The following JAM3 variants were observed in gnomAD, a reference collection of about 807,000 sequenced individuals.
The protein encoded by JAM3 is junctional adhesion molecule C.
JAM3 carries 31 observed loss-of-function variants against 39.4 expected under a neutral mutation model. The observed-to-expected ratio is 0.79, with a 90% CI of 0.59 to 1.06. JAM3 has a LOEUF of 1.06. JAM3 is among the 50% of genes least tolerant of loss of function. The pLI is 0.00. For missense variants in JAM3, 455 were observed against 391.4 expected (o/e 1.16, Z -1.37); for synonymous variants, 182 against 148.7 (o/e 1.22, Z -1.63).
In JAM3 at chr11:134,151,621, C is replaced by T. The variant is rs1466448171; in HGVS notation, c.*2440C>T. On this transcript the variant is annotated 3_prime_UTR_variant, in exon 9 of 9. Transcript: ENST00000299106. ...TTTAAGATATGAATGTGACTCAAGACTCGAGGCCGATACGAGGCTGTGATT... is the reference window on the plus strand; with the variant it reads ...TTTAAGATATGAATGTGACTCAAGATTCGAGGCCGATACGAGGCTGTGATT... 2.6e-5 allele frequency: 4 copies of T among 152,190 alleles called. No homozygotes were observed. Among genetic ancestry groups the T allele is most frequent in the African/African-American group, 9.7e-5 (4 of 41,434 alleles). 9.4% of individuals were successfully genotyped at this position (152,190 alleles called of 1,614,324 possible).
intron 1 of JAM3, among the ~76,000 whole-genome samples, chr11:134,100,514 T>C (rs980430963): frequency 4.6e-5 from 7 of 152,232 alleles, no homozygotes; most frequent in Non-Finnish European, 7.3e-5. Context: ...AGACCACTTT[T>C]GAGTTACCAC....
At chr11:134,118,917 GT>G (rs35899402) in intron 1 of JAM3, among the ~76,000 whole-genome samples, 12 of 150,536 alleles carry the variant, frequency 8.0e-5, no homozygotes, top group African/African-American at 2.7e-4. Context: ...GCTAGGTGGA[GT>G]TTTACTCTGG....
In JAM3 at chr11:134,149,864, T is replaced by C. The variant is rs780554775; in HGVS notation, c.*683T>C. ...TTTAAGGAAAACCTTCGTCTTAGGC[T>C]AAGTCTGAAATGGTACTGAAATATG... On this transcript the variant is annotated 3_prime_UTR_variant, in exon 9 of 9. Coordinates refer to ENST00000299106, the MANE Select transcript of JAM3 (RefSeq NM_032801.5). 20 of 313,344 alleles carry C rather than the reference T, an allele frequency of 6.4e-5. No individual in the cohort carries two copies. The highest frequency in any genetic ancestry group is 1.2e-4 in the Non-Finnish European group (19 of 158,828). The allele number at this position is 313,344 out of a possible 1,614,324, so 19.4% of individuals were successfully genotyped here.
chr11:134,141,577 A>T (rs999727871), intron 3 of JAM3, among the ~76,000 whole-genome samples: 2 of 151,982 alleles, frequency 1.3e-5, no homozygotes, highest in African/African-American at 4.8e-5. Flanking sequence ...GGCTGCATCT[A>T]TGTTTCAGAA....
At chr11:134,105,628 T>C in intron 1 of JAM3, among the ~76,000 whole-genome samples, 1 of 151,782 alleles carries the variant, frequency 6.6e-6, no homozygotes, top group African/African-American at 2.4e-5. Context: ...AAAATCTCCT[T>C]AAGCTAATAA....
At chr11:134,088,284 A>G (rs951413951) in intron 1 of JAM3, among the ~76,000 whole-genome samples, 2 of 152,216 alleles carry the variant, frequency 1.3e-5, no homozygotes, top group South Asian at 4.1e-4. Flanking sequence ...TTTACCAATG[A>G]TGTATTACCC....
intron 1 of JAM3, among the ~76,000 whole-genome samples, chr11:134,079,780 A>G (rs1445613041): frequency 2.6e-5 from 4 of 152,222 alleles, no homozygotes; most frequent in African/African-American, 7.2e-5. Context: ...TAGGCATATA[A>G]TTTGTAACTG....
At chr11:134,079,895 G>C (rs569350260) in intron 1 of JAM3, among the ~76,000 whole-genome samples, 1 of 152,276 alleles carries the variant, frequency 6.6e-6, no homozygotes, top group African/African-American at 2.4e-5. Flanking sequence ...GGTGTGTTTT[G>C]TAGCCAGGTA....
rs947777235 is a variant in JAM3, at chr11:134,149,926, C to T, written c.*745C>T. On this transcript the variant is annotated 3_prime_UTR_variant, in exon 9 of 9. Coordinates refer to ENST00000299106, the MANE Select transcript of JAM3 (RefSeq NM_032801.5). ...GTCTTGTTTATTTTATAAAATTTTACATCTAAATTTTTGCTAAGGATGTAT... is the reference window on the plus strand; with the variant it reads ...GTCTTGTTTATTTTATAAAATTTTATATCTAAATTTTTGCTAAGGATGTAT... 22 of 173,946 alleles carry T rather than the reference C, an allele frequency of 1.3e-4. No homozygotes were observed. The highest frequency in any genetic ancestry group is 2.5e-5 in the Non-Finnish European group (2 of 81,016). 10.8% of individuals were successfully genotyped at this position (173,946 alleles called of 1,614,324 possible). A position where few individuals can be genotyped will look rare whatever the true frequency, so the allele number is the denominator to read the frequency against.
intron 1 of JAM3, among the ~76,000 whole-genome samples, chr11:134,081,894 A>G (rs1356904784): frequency 6.6e-6 from 1 of 152,224 alleles, no homozygotes; most frequent in Non-Finnish European, 1.5e-5. Flanking sequence ...TATCCTGCAA[A>G]AACCACAGGT....
At chr11:134,115,935 C>A (rs577969787) in intron 1 of JAM3, among the ~76,000 whole-genome samples, 65 of 152,046 alleles carry the variant, frequency 4.3e-4, no homozygotes, top group African/African-American at 1.5e-3. Context: ...GGGATAGATA[C>A]CATAAAAGTG....
intron 1 of JAM3, among the ~76,000 whole-genome samples, chr11:134,123,491 T>G (rs1942577070): frequency 6.6e-6 from 1 of 152,220 alleles, no homozygotes; most frequent in South Asian, 2.1e-4. Flanking sequence ...AATGTTCTGC[T>G]GGTTTTCCTT....
At chr11:134,127,514 C>A (rs545986343) in intron 1 of JAM3, among the ~76,000 whole-genome samples, 1 of 152,244 alleles carries the variant, frequency 6.6e-6, no homozygotes, top group Non-Finnish European at 1.5e-5. Flanking sequence ...GCCTGGCCAA[C>A]ATGGTGAAAC....
chr11:134,124,031 C>T (rs1386880539), intron 1 of JAM3: 8 of 1,436,536 alleles, frequency 5.6e-6, no homozygotes, highest in African/African-American at 1.4e-5. Context: ...CAACACAAGG[C>T]ACTGCAACAC....
Position 134,150,132 on chromosome 11 carries a change from T to C in JAM3, c.*951T>C, listed in dbSNP as rs1943171146. 6.5e-6 allele frequency: 1 copy of C among 154,200 alleles called. No individual in the cohort carries two copies. The highest frequency in any genetic ancestry group is 2.4e-5 in the African/African-American group (1 of 41,472). 9.6% of individuals were successfully genotyped at this position (154,200 alleles called of 1,614,324 possible). On this transcript the variant is annotated 3_prime_UTR_variant, in exon 9 of 9. Coordinates refer to ENST00000299106, the MANE Select transcript of JAM3 (RefSeq NM_032801.5). The stretch of plus-strand genomic sequence containing the variant: ...AAGGAATCCTCTCATGGAAGTTTAC[T>C]GTGATGTTCCTTTTCTCACACAAGT...
At chr11:134,092,796 A>G (rs1941894522) in intron 1 of JAM3, among the ~76,000 whole-genome samples, 4 of 128,060 alleles carry the variant, frequency 3.1e-5, no homozygotes, top group Admixed American at 7.5e-5. Context: ...ATCATGTTCC[A>G]TCTTACATGT....
At chr11:134,081,823 G>T (rs1941670391) in intron 1 of JAM3, among the ~76,000 whole-genome samples, 1 of 152,208 alleles carries the variant, frequency 6.6e-6, no homozygotes, top group African/African-American at 2.4e-5. Context: ...CTTGCACTGT[G>T]CACCTGGAAA....
chr11:134,071,712 T>C (rs980948163), intron 1 of JAM3, among the ~76,000 whole-genome samples: 2 of 152,244 alleles, frequency 1.3e-5, no homozygotes, highest in Non-Finnish European at 2.9e-5. Context: ...AAAAAATGTT[T>C]AATTCTTTTA....
intron 1 of JAM3, among the ~76,000 whole-genome samples, chr11:134,124,983 C>T (rs1591796565): frequency 6.6e-6 from 1 of 151,816 alleles, no homozygotes; most frequent in African/African-American, 2.4e-5. Context: ...TCTGCGGCAG[C>T]GGCGACGACA....
Sources: allele counts gnomAD v4.1 joint callset (sites outside exome capture counted in the v4.1 genomes callset), GRCh38; gene constraint gnomAD v4.1.1; transcripts MANE v1.5; gene names NCBI Gene and HGNC (gene_info 2026-07-23, HGNC 2026-07-21).